The following PLCL1 variants were observed in gnomAD, a reference collection of about 807,000 sequenced individuals.
PLCL1 encodes the protein phospholipase C like 1 (inactive).
PLCL1 carries 41 observed loss-of-function variants against 84.4 expected under a neutral mutation model. That is an observed-to-expected ratio of 0.49 (90% CI 0.38 to 0.63). The LOEUF is 0.63. Among genes scored for constraint, PLCL1 ranks in the 30% least tolerant of loss-of-function variants. The pLI is 0.00. For missense variants in PLCL1, 1,206 were observed against 1,367.8 expected (o/e 0.88, Z 1.87); for synonymous variants, 490 against 488.3 (o/e 1.00, Z -0.05).
rs1325528130 is a variant in PLCL1 at position 197,837,911 on chromosome 2, TTTTTCCAATTACATTTTTCAAAGA to T, written c.240+32575_240+32598del. 1.3e-5 allele frequency among the ~76,000 whole-genome samples: 2 copies of T among 152,292 alleles called. 1 individual carries two copies. The highest frequency in any genetic ancestry group is 1.3e-4 in the Admixed American group (2 of 15,300). On this transcript the variant is annotated intron_variant, in intron 1 of 5. Transcript: ENST00000428675. ...CATTTGTTTGAAATTGGGGGCTCCT[TTTTTCCAATTACATTTTTCAAAGA>T]TTGCTATAAACTGTGATTTTTTTTT...
chr2:197,832,054 G>A (rs1162674225), intron 1 of PLCL1, among the ~76,000 whole-genome samples: 1 of 152,036 alleles, frequency 6.6e-6, no homozygotes. Context: ...GAGAAAGTGG[G>A]GAAGATCTAA....
At chr2:197,992,887 G>T (rs183612265) in intron 1 of PLCL1, among the ~76,000 whole-genome samples, 96 of 152,212 alleles carry the variant, frequency 6.3e-4, no homozygotes, top group African/African-American at 2.3e-3. Flanking sequence ...GATAATATCC[G>T]CATTTTGTTT....
At chr2:197,812,184 G>A (rs1453072747) in intron 1 of PLCL1, among the ~76,000 whole-genome samples, 1 of 152,172 alleles carries the variant, frequency 6.6e-6, no homozygotes, top group Non-Finnish European at 1.5e-5. Context: ...CATAGTGTAT[G>A]CTTCCCACAT....
At chr2:197,962,967 A>T (rs1375669845) in intron 1 of PLCL1, among the ~76,000 whole-genome samples, 1 of 151,994 alleles carries the variant, frequency 6.6e-6, no homozygotes, top group East Asian at 1.9e-4. Flanking sequence ...TTCTTTATCC[A>T]TTTGTCTCTT....
intron 1 of PLCL1, among the ~76,000 whole-genome samples, chr2:198,031,954 A>G (rs1691438854): frequency 6.6e-6 from 1 of 152,168 alleles, no homozygotes; most frequent in Non-Finnish European, 1.5e-5. Context: ...AGATGGGTAC[A>G]TATAGATTTT....
At chr2:197,971,201 C>T (rs1212711432) in intron 1 of PLCL1, among the ~76,000 whole-genome samples, 3 of 152,204 alleles carry the variant, frequency 2.0e-5, no homozygotes, top group African/African-American at 7.2e-5. Context: ...TTGCATGGGG[C>T]CTTGTGCTAC....
chr2:197,908,832 A>T (rs1055640401), intron 1 of PLCL1, among the ~76,000 whole-genome samples: 4 of 152,198 alleles, frequency 2.6e-5, no homozygotes, highest in African/African-American at 7.2e-5. Flanking sequence ...AATTACATTT[A>T]AAAATAGAAA....
intron 3 of PLCL1, among the ~76,000 whole-genome samples, chr2:198,092,574 T>C (rs530441691): frequency 6.6e-6 from 1 of 151,392 alleles, no homozygotes; most frequent in African/African-American, 2.5e-5. Flanking sequence ...ATATGCAATA[T>C]ATTATTGTTA....
chr2:198,101,378 T>G lies in PLCL1; in HGVS notation c.2995+18T>G. 7.4e-7 allele frequency: 1 copy of G among 1,352,416 alleles called. No homozygotes were observed. Among genetic ancestry groups the G allele is most frequent in the Middle Eastern group, 1.8e-4 (1 of 5,406 alleles). The allele number at this position is 1,352,416 out of a possible 1,614,324, so 83.8% of individuals were successfully genotyped here. A position where few individuals can be genotyped will look rare whatever the true frequency, so the allele number is the denominator to read the frequency against. ...GAAAGCAGGTAATTGTTTTTAATTT[T>G]TTTTTCTGTTTTTTTTTTCTATTTT... On this transcript the variant is annotated intron_variant, in intron 4 of 5. Transcript: ENST00000428675.
chr2:197,900,206 C>T (rs1688238707), intron 1 of PLCL1, among the ~76,000 whole-genome samples: 1 of 152,200 alleles, frequency 6.6e-6, no homozygotes, highest in Non-Finnish European at 1.5e-5. Flanking sequence ...AGAGTGAGTA[C>T]ATATAGTAAG....
At chr2:198,138,751 T>C (rs1000686287) in intron 5 of PLCL1, among the ~76,000 whole-genome samples, 2 of 152,200 alleles carry the variant, frequency 1.3e-5, no homozygotes, top group Non-Finnish European at 2.9e-5. Flanking sequence ...TTTAACCTGA[T>C]ACCTTATTTT....
At chr2:197,980,192 G>T (rs1259255704) in intron 1 of PLCL1, among the ~76,000 whole-genome samples, 1 of 152,140 alleles carries the variant, frequency 6.6e-6, no homozygotes, top group Admixed American at 6.5e-5. Context: ...ATGGACACAG[G>T]AAATGAAAGG....
chr2:198,113,860 C>T (rs1465829097), intron 5 of PLCL1, among the ~76,000 whole-genome samples: 3 of 151,776 alleles, frequency 2.0e-5, no homozygotes, highest in Non-Finnish European at 2.9e-5. Context: ...ATTTAATCAT[C>T]CACCTTCTAA....
chr2:198,001,317 T>G (rs1018030079), intron 1 of PLCL1, among the ~76,000 whole-genome samples: 2 of 152,178 alleles, frequency 1.3e-5, no homozygotes, highest in East Asian at 3.9e-4. Context: ...TATTTCAACG[T>G]AAGCTTTCTA....
At chr2:198,095,869 A>T (rs1693177999) in intron 3 of PLCL1, among the ~76,000 whole-genome samples, 1 of 152,228 alleles carries the variant, frequency 6.6e-6, no homozygotes, top group South Asian at 2.1e-4. Context: ...GTAACCAAAG[A>T]TGAATAAGCA....
chr2:197,910,092 A>C (rs898464618), intron 1 of PLCL1, among the ~76,000 whole-genome samples: 2 of 152,220 alleles, frequency 1.3e-5, no homozygotes, highest in African/African-American at 2.4e-5. Flanking sequence ...CCTATTGCAC[A>C]GGGATTTAGG....
chr2:198,010,620 G>C (rs1265970821), intron 1 of PLCL1, among the ~76,000 whole-genome samples: 2 of 151,466 alleles, frequency 1.3e-5, no homozygotes, highest in Admixed American at 1.3e-4. Context: ...AGTTTTTTTT[G>C]TGTGTCTTTT....
chr2:198,120,526 A>T (rs975346384), intron 5 of PLCL1, among the ~76,000 whole-genome samples: 12 of 151,900 alleles, frequency 7.9e-5, no homozygotes, highest in South Asian at 2.1e-4. Context: ...CCATGAGTTC[A>T]ATTATTTTAA....
chr2:197,884,900 A>G (rs894263278), intron 1 of PLCL1, among the ~76,000 whole-genome samples: 5 of 152,008 alleles, frequency 3.3e-5, no homozygotes, highest in African/African-American at 1.2e-4. Flanking sequence ...AAAAATTGAG[A>G]CTGTATTGTT....
Sources: allele counts gnomAD v4.1 joint callset (sites outside exome capture counted in the v4.1 genomes callset), GRCh38; gene constraint gnomAD v4.1.1; transcripts MANE v1.5; gene names NCBI Gene and HGNC (gene_info 2026-07-23, HGNC 2026-07-21).